The following PRKCE variants were observed in gnomAD, a reference collection of about 807,000 sequenced individuals.
The protein encoded by PRKCE is protein kinase C epsilon type.
A neutral mutation model predicts 85.4 loss-of-function variants in PRKCE; 16 were observed. The observed-to-expected ratio is 0.19, with a 90% CI of 0.13 to 0.28. The LOEUF (loss-of-function observed/expected upper bound fraction) is 0.28, where lower values mean the gene tolerates loss of function less well. Ranked by LOEUF, PRKCE falls within the 10% of genes least tolerant of loss-of-function variation. The pLI, the probability that PRKCE is intolerant of heterozygous loss-of-function variation, is 1.00. For synonymous variants in PRKCE, 388 were observed against 371.5 expected (o/e 1.04, Z -0.51); for missense variants, 573 against 975.2 (o/e 0.59, Z 5.49).
intron 2 of PRKCE, among the ~76,000 whole-genome samples, chr2:45,934,328 G>A (rs1002987133): frequency 2.0e-5 from 3 of 152,270 alleles, no homozygotes; most frequent in African/African-American, 4.8e-5. Flanking sequence ...TGAATGTGAC[G>A]GAAAAAGCCA....
At chr2:45,788,641 T>C (rs1037585099) in intron 1 of PRKCE, among the ~76,000 whole-genome samples, 13 of 152,312 alleles carry the variant, frequency 8.5e-5, no homozygotes, top group Admixed American at 3.9e-4. Context: ...GTTTCAACAG[T>C]GCATGAAATG....
intron 11 of PRKCE, among the ~76,000 whole-genome samples, chr2:46,141,846 C>T (rs371479713): frequency 1.4e-4 from 21 of 152,288 alleles, no homozygotes; most frequent in East Asian, 7.7e-4. Context: ...ACTTGCTACA[C>T]GCCTGGCCAT....
At chr2:45,847,989 T>C (rs1408092867) in intron 2 of PRKCE, among the ~76,000 whole-genome samples, 1 of 152,170 alleles carries the variant, frequency 6.6e-6, no homozygotes, top group Non-Finnish European at 1.5e-5. Context: ...TCCCAGCAGG[T>C]TAATAATTCT....
At chr2:45,782,610 G>T (rs1443022139) in intron 1 of PRKCE, among the ~76,000 whole-genome samples, 2 of 152,148 alleles carry the variant, frequency 1.3e-5, no homozygotes, top group Non-Finnish European at 2.9e-5. Flanking sequence ...GTGTTTCCAA[G>T]ATAATGTACC....
chr2:45,821,975 G>A (rs1056532130), intron 1 of PRKCE, among the ~76,000 whole-genome samples: 1 of 152,174 alleles, frequency 6.6e-6, no homozygotes, highest in Non-Finnish European at 1.5e-5. Context: ...TGAAGGGCTT[G>A]AGGGGGCTTA....
At position 45,792,898 on chromosome 2, in the gene PRKCE, A is replaced by G. The variant is rs185652207; in HGVS notation, c.349-50102A>G. ...ACTGCAACCTCTGTCTCCCGGGTTC[A>G]GGTGATTCTCCTGCCTTAGCCTCCA... On this transcript the variant is annotated intron_variant, in intron 1 of 14. Transcript: ENST00000306156. Among the ~76,000 whole-genome samples, 614 of 152,304 alleles carry G rather than the reference A, an allele frequency of 4.0e-3. 2 individuals carry two copies. Among genetic ancestry groups the G allele is most frequent in the African/African-American group, 0.014 (588 of 41,580 alleles).
chr2:45,782,921 G>A (rs766675123), intron 1 of PRKCE, among the ~76,000 whole-genome samples: 1 of 152,112 alleles, frequency 6.6e-6, no homozygotes, highest in East Asian at 1.9e-4. Flanking sequence ...GACAGTTCAC[G>A]AGAAACATCC....
Position 46,004,759 on chromosome 2 carries a change from G to A in PRKCE, c.1063+121G>A. ...CTGAAATAGCTAGCAGCCCTGGTGG[G>A]TTTTCACACACCCGTTGCCTGTTGA... On this transcript the variant is annotated intron_variant, in intron 8 of 14. Transcript: ENST00000306156. This position sits in a 1 kb window ranked among gnomAD's most constrained non-coding sequence, Gnocchi z 4.1. 1.2e-6 allele frequency: 1 copy of A among 807,752 alleles called. No individual in the cohort carries two copies. Among genetic ancestry groups the A allele is most frequent in the East Asian group, 2.7e-5 (1 of 36,834 alleles). 50.0% of individuals were successfully genotyped at this position (807,752 alleles called of 1,614,324 possible).
At chr2:46,059,245 G>A (rs760162316) in intron 10 of PRKCE, among the ~76,000 whole-genome samples, 8 of 151,962 alleles carry the variant, frequency 5.3e-5, no homozygotes, top group Non-Finnish European at 7.4e-5. Context: ...CCATGATCGC[G>A]CCGTTGCACT....
intron 2 of PRKCE, among the ~76,000 whole-genome samples, chr2:45,929,215 A>T (rs987579400): frequency 6.6e-6 from 1 of 152,212 alleles, no homozygotes; most frequent in Non-Finnish European, 1.5e-5. Context: ...CCCCAAGCCA[A>T]TGGATTTGGG....
At chr2:45,785,535 A>G (rs1558668891) in intron 1 of PRKCE, among the ~76,000 whole-genome samples, 1 of 152,092 alleles carries the variant, frequency 6.6e-6, no homozygotes, top group Non-Finnish European at 1.5e-5. Flanking sequence ...GTAAACATAT[A>G]TGGTGAAAGC....
intron 1 of PRKCE, among the ~76,000 whole-genome samples, chr2:45,785,632 A>C (rs778027116): frequency 6.6e-6 from 1 of 151,922 alleles, no homozygotes; most frequent in Non-Finnish European, 1.5e-5. Context: ...ATGGATGAGG[A>C]CTCTTGCTGA....
At chr2:45,872,286 C>CA (rs1237223957) in intron 2 of PRKCE, among the ~76,000 whole-genome samples, 1 of 152,078 alleles carries the variant, frequency 6.6e-6, no homozygotes, top group Non-Finnish European at 1.5e-5. Context: ...ACAGCAAGTG[C>CA]AAAGACCCTG....
At chr2:46,040,577 T>G (rs566104265) in intron 10 of PRKCE, among the ~76,000 whole-genome samples, 111 of 152,278 alleles carry the variant, frequency 7.3e-4, no homozygotes, top group African/African-American at 2.6e-3. Context: ...CCAGGGACAC[T>G]TAACAGGATG....
At chr2:45,963,829 G>T (rs1255197550) in intron 2 of PRKCE, among the ~76,000 whole-genome samples, 1 of 146,194 alleles carries the variant, frequency 6.8e-6, no homozygotes, top group Non-Finnish European at 1.5e-5. Context: ...TTTAAAATTA[G>T]CAAGTGCTCA....
chr2:46,007,341 C>A, intron 8 of PRKCE, 121 bp from the exon 9 acceptor site: 1 of 923,318 alleles, frequency 1.1e-6, no homozygotes, highest in Non-Finnish European at 1.6e-6. Context: ...CACACTGGAT[C>A]TGTTGTGAAG....
At chr2:45,919,881 C>T (rs1490530364) in intron 2 of PRKCE, among the ~76,000 whole-genome samples, 1 of 152,198 alleles carries the variant, frequency 6.6e-6, no homozygotes, top group Non-Finnish European at 1.5e-5. Context: ...ATGGCTCAGG[C>T]GAACACTAGT....
intron 1 of PRKCE, among the ~76,000 whole-genome samples, chr2:45,767,064 C>T (rs540833620): frequency 3.3e-5 from 5 of 152,008 alleles, no homozygotes; most frequent in Non-Finnish European, 7.4e-5. Context: ...AAGTAACTTC[C>T]TGTGGGCAAA....
chr2:45,950,574 G>A (rs974875238), intron 2 of PRKCE, among the ~76,000 whole-genome samples: 4 of 152,104 alleles, frequency 2.6e-5, no homozygotes, highest in Non-Finnish European at 5.9e-5. Context: ...TCATTACCAG[G>A]GTTTATGCTC....
Sources: allele counts gnomAD v4.1 joint callset (sites outside exome capture counted in the v4.1 genomes callset), GRCh38; gene constraint gnomAD v4.1.1; non-coding constraint Gnocchi (gnomAD v3.1); transcripts MANE v1.5; gene names NCBI Gene and HGNC (gene_info 2026-07-23, HGNC 2026-07-21).